The following ARHGAP15 variants were observed in gnomAD, a reference collection of about 807,000 sequenced individuals.
ARHGAP15 encodes Rho GTPase activating protein 15, also known as rho GTPase-activating protein 15.
ARHGAP15 carries 51 observed loss-of-function variants against 63.7 expected under a neutral mutation model. The ratio of observed to expected loss-of-function variants is 0.80; its 90% CI spans 0.64 to 1.01. The LOEUF (loss-of-function observed/expected upper bound fraction) is 1.01. Ranked by LOEUF, ARHGAP15 falls within the 50% of genes least tolerant of loss-of-function variation. The pLI is 0.00. For missense variants in ARHGAP15, 560 were observed against 564.6 expected (o/e 0.99, Z 0.08); for synonymous variants, 191 against 193.8 (o/e 0.99, Z 0.12).
At chr2:143,177,996 T>C (rs1404587169) in intron 2 of ARHGAP15, among the ~76,000 whole-genome samples, 2 of 152,222 alleles carry the variant, frequency 1.3e-5, no homozygotes, top group African/African-American at 4.8e-5. Flanking sequence ...ATGTTGATAG[T>C]TGTAACCCAC....
Position 143,715,070 on chromosome 2 carries a change from C to T in ARHGAP15, c.1244+11546C>T, listed in dbSNP as rs2105449193. Among the ~76,000 whole-genome samples, 3 of 152,084 alleles carry T rather than the reference C, an allele frequency of 2.0e-5. No individual in the cohort carries two copies. In the South Asian group the frequency reaches 6.2e-4, roughly 32 times the overall value. ...TTTTCAAGCTGCTGATAAAGACATA[C>T]TCAAGACTGGGAAAAAAAAAAGAGG... is the stretch of plus-strand genomic sequence containing the variant. On this transcript the variant is annotated intron_variant, in intron 13 of 13. Coordinates refer to ENST00000295095, the MANE Select transcript of ARHGAP15 (RefSeq NM_018460.4).
At chr2:143,668,805 T>G (rs1030340802) in intron 12 of ARHGAP15, among the ~76,000 whole-genome samples, 1 of 152,196 alleles carries the variant, frequency 6.6e-6, no homozygotes, top group Non-Finnish European at 1.5e-5. Context: ...AATGAAACTC[T>G]TCAAGAATTC....
At chr2:143,301,896 A>G (rs1386111509) in intron 6 of ARHGAP15, among the ~76,000 whole-genome samples, 1 of 151,802 alleles carries the variant, frequency 6.6e-6, no homozygotes, top group Non-Finnish European at 1.5e-5. Flanking sequence ...GATGATAGAG[A>G]CATAGAGATA....
chr2:143,396,441 A>T (rs1009553874), intron 6 of ARHGAP15, among the ~76,000 whole-genome samples: 4 of 152,028 alleles, frequency 2.6e-5, no homozygotes, highest in African/African-American at 7.2e-5. Flanking sequence ...ATCACCTGTT[A>T]AGGGTTTTAA....
rs537398982 is a variant in ARHGAP15, at chr2:143,470,885, C to T, written c.704-16488C>T. ...TTATGTGTGTGTGTATATATATACA[C>T]GTATATTTATGTGTGTATATATATA... On this transcript the variant is annotated intron_variant, in intron 8 of 13. Transcript: ENST00000295095. Among the ~76,000 whole-genome samples the T allele has an allele frequency of 2.6e-4, 38 of 146,994 alleles. No individual in the cohort carries two copies. In the East Asian group the frequency reaches 6.1e-3, roughly 24 times the overall value.
At chr2:143,155,345 C>T (rs1574021261) in intron 1 of ARHGAP15, 132 bp from the exon 2 acceptor site, 17 of 820,048 alleles carry the variant, frequency 2.1e-5, no homozygotes, top group Non-Finnish European at 3.0e-5. Context: ...CTTTTTTCTT[C>T]ACTAGTCAGA....
intron 6 of ARHGAP15, among the ~76,000 whole-genome samples, chr2:143,424,682 G>A (rs1353156570): frequency 1.3e-5 from 2 of 151,960 alleles, no homozygotes; most frequent in South Asian, 2.1e-4. Flanking sequence ...TCATCCCTGG[G>A]TCCTCCATTA....
At chr2:143,443,779 G>T (rs1454514125) in intron 8 of ARHGAP15, among the ~76,000 whole-genome samples, 1 of 152,158 alleles carries the variant, frequency 6.6e-6, no homozygotes, top group Non-Finnish European at 1.5e-5. Flanking sequence ...TATCAGAATA[G>T]TATTATGCAT....
At chr2:143,597,270 AAT>A (rs1471778840) in intron 11 of ARHGAP15, among the ~76,000 whole-genome samples, 4 of 152,126 alleles carry the variant, frequency 2.6e-5, no homozygotes, top group African/African-American at 9.6e-5. Flanking sequence ...ATAATAAAGA[AAT>A]AAAAATATAA....
intron 2 of ARHGAP15, among the ~76,000 whole-genome samples, chr2:143,157,322 G>A (rs1301569197): frequency 6.6e-6 from 1 of 151,868 alleles, no homozygotes; most frequent in Admixed American, 6.6e-5. Context: ...AAACTAATGA[G>A]CATTTCTGTA....
At chr2:143,729,152 T>C (rs937846942) in intron 13 of ARHGAP15, among the ~76,000 whole-genome samples, 7 of 152,218 alleles carry the variant, frequency 4.6e-5, no homozygotes, top group African/African-American at 7.2e-5. Context: ...GAGCCATTTG[T>C]TAGTATTGTT....
intron 12 of ARHGAP15, among the ~76,000 whole-genome samples, chr2:143,626,601 T>G (rs1405164562): frequency 6.6e-6 from 1 of 152,110 alleles, no homozygotes; most frequent in Non-Finnish European, 1.5e-5. Flanking sequence ...TTTTATTCCC[T>G]TATTTGTCCC....
chr2:143,424,329 C>T (rs774471281), intron 6 of ARHGAP15, among the ~76,000 whole-genome samples: 7 of 152,008 alleles, frequency 4.6e-5, no homozygotes, highest in Non-Finnish European at 7.4e-5. Context: ...CACATTGGTC[C>T]GAATTGCAAT....
chr2:143,537,718 G>T (rs368679984), intron 10 of ARHGAP15, among the ~76,000 whole-genome samples: 1 of 152,120 alleles, frequency 6.6e-6, no homozygotes, highest in East Asian at 1.9e-4. Context: ...TGAGGGCTCT[G>T]TTCTGTTCCA....
chr2:143,623,506 G>A (rs965457473), intron 11 of ARHGAP15, among the ~76,000 whole-genome samples: 1 of 151,868 alleles, frequency 6.6e-6, no homozygotes, highest in Admixed American at 6.6e-5. Context: ...ATTGTTGCTG[G>A]GCATATTTTC....
chr2:143,513,073 C>G (rs1693659829), intron 9 of ARHGAP15, among the ~76,000 whole-genome samples: 1 of 152,160 alleles, frequency 6.6e-6, no homozygotes, highest in African/African-American at 2.4e-5. Flanking sequence ...ACTCCAGAGC[C>G]CCACCTTCTT....
At chr2:143,698,190 C>T (rs1279706415) in intron 12 of ARHGAP15, among the ~76,000 whole-genome samples, 1 of 152,090 alleles carries the variant, frequency 6.6e-6, no homozygotes, top group East Asian at 1.9e-4. Context: ...TGTGATTTAA[C>T]ATGAAGCTAT....
In ARHGAP15 at chr2:143,545,288, A is replaced by G. The variant is rs905554817; in HGVS notation, c.926-11120A>G. On this transcript the variant is annotated intron_variant, in intron 10 of 13. Transcript: ENST00000295095. Reference sequence around the variant, plus strand: ...GGTCTGAATTGGAGGCACCTCCCCAAAGATCAAAAGTTATGCTCCACCAAC... The same window carrying G: ...GGTCTGAATTGGAGGCACCTCCCCAGAGATCAAAAGTTATGCTCCACCAAC... 3.9e-5 allele frequency among the ~76,000 whole-genome samples: 6 copies of G among 152,192 alleles called. No homozygotes were observed. In the East Asian group the frequency reaches 9.6e-4, roughly 24 times the overall value.
At chr2:143,450,611 G>A (rs1690364810) in intron 8 of ARHGAP15, among the ~76,000 whole-genome samples, 1 of 151,918 alleles carries the variant, frequency 6.6e-6, no homozygotes, top group African/African-American at 2.4e-5. Context: ...TACCTCGCAA[G>A]TAGAGACCTT....
Sources: allele counts gnomAD v4.1 joint callset (sites outside exome capture counted in the v4.1 genomes callset), GRCh38; gene constraint gnomAD v4.1.1; transcripts MANE v1.5; gene names NCBI Gene and HGNC (gene_info 2026-07-23, HGNC 2026-07-21).